The following RNF169 variants were observed in gnomAD, a reference collection of about 807,000 sequenced individuals.
The protein encoded by RNF169 is E3 ubiquitin-protein ligase RNF169.
A neutral mutation model predicts 53.9 loss-of-function variants in RNF169; 24 were observed. That is an observed-to-expected ratio of 0.45 (90% confidence interval 0.32 to 0.63). The LOEUF is 0.63. RNF169 is among the 20% of genes least tolerant of loss of function. The probability of loss-of-function intolerance (pLI) is 0.04; values close to 1 mark genes in which losing one functional copy is unlikely to be tolerated. For synonymous variants in RNF169, 396 were observed against 363.5 expected (o/e 1.09, Z -1.02); for missense variants, 883 against 906.2 (o/e 0.97, Z 0.33).
chr11:74,795,580 G>C (rs1001027556), intron 2 of RNF169, among the ~76,000 whole-genome samples: 1 of 152,224 alleles, frequency 6.6e-6, no homozygotes. Flanking sequence ...ATGGTAAGAG[G>C]CTGGGCACAT....
rs2036460764 is a variant in RNF169, at chr11:74,841,050, A to T, written c.*4320A>T. ...AGGTAGAGAAAGTCTCCATAGTATA[A>T]GTAAGTAATATGAATGTGGAATCTT... On this transcript the variant is annotated 3_prime_UTR_variant, in exon 6 of 6. Coordinates refer to ENST00000299563, the MANE Select transcript of RNF169 (RefSeq NM_001098638.2). The T allele has an allele frequency of 1.3e-5, 2 of 152,146 alleles. No homozygotes were observed. The highest frequency in any genetic ancestry group is 2.4e-5 in the African/African-American group (1 of 41,450). 9.4% of individuals were successfully genotyped at this position (152,146 alleles called of 1,614,324 possible).
intron 1 of RNF169, among the ~76,000 whole-genome samples, chr11:74,767,071 C>T (rs942635033): frequency 3.3e-5 from 5 of 151,912 alleles, no homozygotes; most frequent in Admixed American, 6.6e-5. Context: ...AACTTCTGAC[C>T]TCAAGCAATT....
At chr11:74,774,603 G>A (rs1038802914) in intron 1 of RNF169, among the ~76,000 whole-genome samples, 20 of 152,232 alleles carry the variant, frequency 1.3e-4, no homozygotes, top group African/African-American at 3.6e-4. Flanking sequence ...AGCAGTTTTG[G>A]TAATGTGGTA....
At chr11:74,771,371 A>G (rs1013335697) in intron 1 of RNF169, among the ~76,000 whole-genome samples, 3 of 152,200 alleles carry the variant, frequency 2.0e-5, no homozygotes, top group African/African-American at 7.2e-5. Flanking sequence ...TCTACATATA[A>G]GTACTTAACA....
intron 2 of RNF169, among the ~76,000 whole-genome samples, chr11:74,797,048 C>G (rs940171151): frequency 3.9e-5 from 6 of 152,082 alleles, no homozygotes; most frequent in African/African-American, 1.2e-4. Context: ...GTATTTTCTC[C>G]CCATTGTGGG....
chr11:74,782,652 A>C (rs550941899), intron 1 of RNF169, among the ~76,000 whole-genome samples: 1 of 152,232 alleles, frequency 6.6e-6, no homozygotes, highest in Non-Finnish European at 1.5e-5. Context: ...TATAAGTGGT[A>C]TAGCATCAAC....
At chr11:74,757,836 G>C (rs2035011276) in intron 1 of RNF169, among the ~76,000 whole-genome samples, 1 of 50,600 alleles carries the variant, frequency 2.0e-5, no homozygotes. Context: ...CCCACTTTTT[G>C]ATGGGGTTGT....
chr11:74,786,243 T>C (rs1179312313), intron 1 of RNF169, among the ~76,000 whole-genome samples: 4 of 143,462 alleles, frequency 2.8e-5, no homozygotes. Flanking sequence ...CTGGCCTGTT[T>C]CTTTTTTTTT....
intron 2 of RNF169, among the ~76,000 whole-genome samples, chr11:74,804,785 C>T (rs1362613255): frequency 6.6e-6 from 1 of 152,026 alleles, no homozygotes; most frequent in Non-Finnish European, 1.5e-5. Context: ...TTTCTGAGAA[C>T]CTATGGACGA....
intron 3 of RNF169, among the ~76,000 whole-genome samples, chr11:74,812,719 G>T (rs78553296): frequency 0.024 from 3,703 of 152,210 alleles, 163 homozygotes; most frequent in African/African-American, 0.085. Flanking sequence ...AGACCCAAAA[G>T]AATCTTAAGA....
chr11:74,768,088 A>G (rs2035202168), intron 1 of RNF169, among the ~76,000 whole-genome samples: 1 of 152,214 alleles, frequency 6.6e-6, no homozygotes, highest in African/African-American at 2.4e-5. Flanking sequence ...TCAAATATCA[A>G]GCTGTTTAAA....
chr11:74,836,763 T>C lies in RNF169; in HGVS notation c.*33T>C. On this transcript the variant is annotated 3_prime_UTR_variant, in exon 6 of 6. Coordinates refer to ENST00000299563, the MANE Select transcript of RNF169 (RefSeq NM_001098638.2). ...TGAAGTGTTACCTATTTTTAAAAGG[T>C]CTTAGGCCTTGATCATTTATCCTGA... 1 of 1,498,514 alleles carries C rather than the reference T, an allele frequency of 6.7e-7. No homozygotes were observed. The highest frequency in any genetic ancestry group is 9.0e-7 in the Non-Finnish European group (1 of 1,105,554). The allele number at this position is 1,498,514 out of a possible 1,614,324, so 92.8% of individuals were successfully genotyped here. A position where few individuals can be genotyped will look rare whatever the true frequency, so the allele number is the denominator to read the frequency against.
At chr11:74,806,287 G>A (rs1408630205) in intron 2 of RNF169, among the ~76,000 whole-genome samples, 1 of 152,176 alleles carries the variant, frequency 6.6e-6, no homozygotes, top group Non-Finnish European at 1.5e-5. Context: ...TTAAAATAAT[G>A]CAGTGCCAAT....
At chr11:74,814,254 C>T (rs962105444) in intron 3 of RNF169, among the ~76,000 whole-genome samples, 15 of 151,824 alleles carry the variant, frequency 9.9e-5, no homozygotes, top group Admixed American at 5.9e-4. Context: ...TGCTTGAACC[C>T]GGGAGGTGGA....
chr11:74,765,465 T>C (rs1042135405), intron 1 of RNF169, among the ~76,000 whole-genome samples: 2 of 152,068 alleles, frequency 1.3e-5, no homozygotes, highest in African/African-American at 4.8e-5. Context: ...CTCCAATCCA[T>C]GTTTGGAAAT....
At chr11:74,793,587 T>G (rs1414848011) in intron 2 of RNF169, among the ~76,000 whole-genome samples, 1 of 152,220 alleles carries the variant, frequency 6.6e-6, no homozygotes, top group African/African-American at 2.4e-5. Context: ...AAGGGACTAC[T>G]GTAGAACAGT....
rs1183340913 is a variant in RNF169 at position 74,839,925 on chromosome 11, G to A, written c.*3195G>A. 6.6e-6 allele frequency: 1 copy of A among 152,188 alleles called. No homozygotes were observed. Among genetic ancestry groups the A allele is most frequent in the Middle Eastern group, 3.4e-3 (1 of 294 alleles). 9.4% of individuals were successfully genotyped at this position (152,188 alleles called of 1,614,324 possible). ...TGAGGCTTGCCAGGGAAACTCCTAAGTGGCTTCACTTATTTTTTAAATTTT... is the reference window on the plus strand; with the variant it reads ...TGAGGCTTGCCAGGGAAACTCCTAAATGGCTTCACTTATTTTTTAAATTTT... On this transcript the variant is annotated 3_prime_UTR_variant, in exon 6 of 6. Transcript: ENST00000299563.
At chr11:74,821,650 T>G (rs1408475839) in intron 4 of RNF169, among the ~76,000 whole-genome samples, 1 of 105,252 alleles carries the variant, frequency 9.5e-6, no homozygotes. Context: ...AGAGCGAGAC[T>G]CCGTCTCAAA....
intron 3 of RNF169, among the ~76,000 whole-genome samples, chr11:74,812,184 A>G (rs934096094): frequency 6.6e-6 from 1 of 152,222 alleles, no homozygotes; most frequent in Admixed American, 6.5e-5. Flanking sequence ...TTTGTTCTTG[A>G]TAACAGCCAG....
Sources: allele counts gnomAD v4.1 joint callset (sites outside exome capture counted in the v4.1 genomes callset), GRCh38; gene constraint gnomAD v4.1.1; transcripts MANE v1.5; gene names NCBI Gene and HGNC (gene_info 2026-07-23, HGNC 2026-07-21).